Variants in KHDRBS2 observed in about 807,000 individuals in gnomAD.
KHDRBS2 encodes KH RNA binding domain containing, signal transduction associated 2.
KHDRBS2 carries 26 observed loss-of-function variants against 44.3 expected under a neutral mutation model. That is an observed-to-expected ratio of 0.59 (90% CI 0.43 to 0.81). The LOEUF is 0.81. Among genes scored for constraint, KHDRBS2 ranks in the 40% least tolerant of loss-of-function variants. The pLI, the probability that KHDRBS2 is intolerant of heterozygous loss-of-function variation, is 0.00. For synonymous variants in KHDRBS2, 194 were observed against 151.1 expected (o/e 1.28, Z -2.08); for missense variants, 476 against 433.1 (o/e 1.10, Z -0.88).
the KHDRBS2 span, among the ~76,000 whole-genome samples, chr6:61,632,632 T>C: frequency 2.0e-5 from 3 of 152,186 alleles, no homozygotes; most frequent in Non-Finnish European, 4.4e-5. Flanking sequence ...CTTTTGTTTA[T>C]ATGTAATTCT....
chr6:61,769,626 T>TGGG (rs150372922), intron 6 of KHDRBS2, among the ~76,000 whole-genome samples: 4 of 151,674 alleles, frequency 2.6e-5, no homozygotes, highest in Non-Finnish European at 5.9e-5. Context: ...GCAGCGAGGC[T>TGGG]GGGGGGGCGG....
intron 1 of KHDRBS2, among the ~76,000 whole-genome samples, chr6:62,251,042 G>A (rs754119105): frequency 1.3e-5 from 2 of 151,902 alleles, no homozygotes; most frequent in Non-Finnish European, 2.9e-5. Flanking sequence ...TTAAATCATT[G>A]AGGTTGATAA....
At chr6:61,562,406 A>G in the KHDRBS2 span, among the ~76,000 whole-genome samples, 7 of 152,184 alleles carry the variant, frequency 4.6e-5, no homozygotes, top group Non-Finnish European at 7.3e-5. Flanking sequence ...TTTCATGTAT[A>G]TGCTTCTAGT....
At chr6:62,045,461 T>G (rs1461574910) in intron 3 of KHDRBS2, among the ~76,000 whole-genome samples, 1 of 151,992 alleles carries the variant, frequency 6.6e-6, no homozygotes, top group African/African-American at 2.4e-5. Context: ...ACCACTAACC[T>G]CTTTTCCCTG....
At chr6:61,759,022 G>A (rs1377770053) in intron 6 of KHDRBS2, among the ~76,000 whole-genome samples, 1 of 152,070 alleles carries the variant, frequency 6.6e-6, no homozygotes, top group Non-Finnish European at 1.5e-5. Context: ...AATTTATGTG[G>A]CATAGTGTTC....
At chr6:61,858,636 A>G (rs1796482023) in intron 6 of KHDRBS2, among the ~76,000 whole-genome samples, 1 of 151,946 alleles carries the variant, frequency 6.6e-6, no homozygotes, top group Non-Finnish European at 1.5e-5. Flanking sequence ...GGTCATACAA[A>G]TCCTCCTAAA....
intron 6 of KHDRBS2, among the ~76,000 whole-genome samples, chr6:61,773,353 T>C (rs1203930379): frequency 1.3e-5 from 2 of 152,056 alleles, no homozygotes; most frequent in East Asian, 1.9e-4. Context: ...TGAGATGGTA[T>C]CTCATTGTGG....
intron 1 of KHDRBS2, among the ~76,000 whole-genome samples, chr6:62,178,096 T>G (rs1014785902): frequency 3.3e-5 from 5 of 151,458 alleles, no homozygotes; most frequent in African/African-American, 1.2e-4. Context: ...AATGAATATA[T>G]GGGCACACAT....
the KHDRBS2 span, among the ~76,000 whole-genome samples, chr6:61,612,010 A>G: frequency 0.19 from 29,528 of 152,160 alleles, 3,354 homozygotes; most frequent in South Asian, 0.33. Flanking sequence ...CATATCAAGT[A>G]TGTGCTTGTA....
intron 4 of KHDRBS2, among the ~76,000 whole-genome samples, chr6:61,925,821 A>T (rs187017511): frequency 6.6e-6 from 1 of 152,284 alleles, no homozygotes; most frequent in African/African-American, 2.4e-5. Flanking sequence ...CTTTTATTGA[A>T]GGTAGTTCCC....
intron 2 of KHDRBS2, among the ~76,000 whole-genome samples, chr6:62,059,848 G>A (rs1321340808): frequency 6.6e-6 from 1 of 151,520 alleles, no homozygotes. Flanking sequence ...AGGAAGAAGG[G>A]TAAATAATTT....
At chr6:62,174,611 C>T (rs1177627755) in intron 2 of KHDRBS2, among the ~76,000 whole-genome samples, 1 of 151,612 alleles carries the variant, frequency 6.6e-6, no homozygotes. Flanking sequence ...GTAACTGAAA[C>T]ACAATCTATC....
intron 3 of KHDRBS2, among the ~76,000 whole-genome samples, chr6:62,004,520 AG>A (rs1417900090): frequency 6.6e-6 from 1 of 152,190 alleles, no homozygotes; most frequent in Non-Finnish European, 1.5e-5. Context: ...AATAATTAAT[AG>A]TCTTCCAACC....
rs547317756 is a variant in KHDRBS2, at chr6:61,905,188, TG to T, written c.484-3818del. Among the ~76,000 whole-genome samples the T allele has an allele frequency of 3.9e-5, 6 of 152,236 alleles. No individual in the cohort carries two copies. In the East Asian group the frequency reaches 1.2e-3, roughly 29 times the overall value. ...AGAAAATAACAAAGACTCATGAAGA[TG>T]GGCAAACACAAACCATATTTTGAGC... is the stretch of plus-strand genomic sequence containing the variant. On this transcript the variant is annotated intron_variant, in intron 4 of 8. Coordinates refer to ENST00000281156, the MANE Select transcript of KHDRBS2 (RefSeq NM_152688.4).
At chr6:61,794,009 C>A (rs1278680047) in intron 6 of KHDRBS2, among the ~76,000 whole-genome samples, 1 of 151,956 alleles carries the variant, frequency 6.6e-6, no homozygotes, top group Non-Finnish European at 1.5e-5. Context: ...AGCATGCTAC[C>A]AAGATAGGAA....
At chr6:61,742,135 G>T (rs1776221904) in intron 6 of KHDRBS2, among the ~76,000 whole-genome samples, 1 of 151,826 alleles carries the variant, frequency 6.6e-6, no homozygotes, top group African/African-American at 2.4e-5. Context: ...AAAATGCTAG[G>T]CACAAAAGTG....
At position 62,285,976 on chromosome 6, in the gene KHDRBS2, G is replaced by A. The variant is rs376555466; in HGVS notation, c.-28C>T. On this transcript the variant is annotated 5_prime_UTR_variant, in exon 1 of 9. Coordinates refer to ENST00000281156, the MANE Select transcript of KHDRBS2 (RefSeq NM_152688.4). ...CGCGGACTTCGGATTGTCCCCGGGC[G>A]AAGCGCGAGGTTCCGCTCGCTCGGA... 29 of 1,437,666 alleles carry A rather than the reference G, an allele frequency of 2.0e-5. No homozygotes were observed. The highest frequency in any genetic ancestry group is 4.6e-5 in the East Asian group (2 of 43,476). The allele number at this position is 1,437,666 out of a possible 1,614,324, so 89.1% of individuals were successfully genotyped here.
chr6:62,156,825 C>T (rs1301968364), intron 2 of KHDRBS2, among the ~76,000 whole-genome samples: 1 of 140,742 alleles, frequency 7.1e-6, no homozygotes, highest in Admixed American at 7.1e-5. Context: ...GTGCCCGCCA[C>T]CACGCCCGGC....
the KHDRBS2 span, among the ~76,000 whole-genome samples, chr6:61,577,653 G>C: frequency 1.3e-5 from 2 of 152,032 alleles, no homozygotes; most frequent in Admixed American, 6.6e-5. Context: ...ATTAACAATA[G>C]TAAAATAAGA....
Sources: gnomAD v4.1 joint callset for allele counts (sites outside exome capture counted in the v4.1 genomes callset) on GRCh38, gnomAD v4.1.1 for gene constraint, MANE v1.5 for transcripts, NCBI Gene and HGNC (gene_info 2026-07-23, HGNC 2026-07-21) for gene names.